TANGO6: variants seen among roughly 807,000 people sequenced by gnomAD.
TANGO6 encodes transport and Golgi organization protein 6 homolog.
A neutral mutation model predicts 114.2 loss-of-function variants in TANGO6; 90 were observed. The ratio of observed to expected loss-of-function variants is 0.79; its 90% CI spans 0.66 to 0.94. The LOEUF (loss-of-function observed/expected upper bound fraction) is 0.94, where lower values mean the gene tolerates loss of function less well. Ranked by LOEUF, TANGO6 falls within the 40% of genes least tolerant of loss-of-function variation. The pLI is 0.00. For synonymous variants in TANGO6, 477 were observed against 509.8 expected (o/e 0.94, Z 0.87); for missense variants, 1,274 against 1,315.3 (o/e 0.97, Z 0.49).
At chr16:69,049,370 C>T (rs1959910781) in intron 17 of TANGO6, among the ~76,000 whole-genome samples, 1 of 151,932 alleles carries the variant, frequency 6.6e-6, no homozygotes, top group South Asian at 2.1e-4. Flanking sequence ...TGCCTCCTTC[C>T]ATTCCTTTAG....
chr16:68,968,447 C>A (rs1204051714), intron 14 of TANGO6, among the ~76,000 whole-genome samples: 1 of 151,728 alleles, frequency 6.6e-6, no homozygotes, highest in Non-Finnish European at 1.5e-5. Flanking sequence ...TTACTGAAAC[C>A]TCCACCTCCC....
intron 10 of TANGO6, 44 bp downstream of exon 10, chr16:68,907,619 G>A: frequency 6.4e-7 from 1 of 1,552,394 alleles, no homozygotes; most frequent in Non-Finnish European, 8.7e-7. Flanking sequence ...TTCCAGGGGA[G>A]TTCCAGGAAA....
intron 17 of TANGO6, among the ~76,000 whole-genome samples, chr16:69,062,951 G>A (rs941431522): frequency 2.0e-5 from 3 of 151,846 alleles, no homozygotes; most frequent in African/African-American, 7.2e-5. Flanking sequence ...AACTTGGCTG[G>A]GCGCAGTGGC....
intron 14 of TANGO6, chr16:68,937,445 T>C (rs1244322039): frequency 6.6e-6 from 1 of 152,210 alleles, no homozygotes; most frequent in African/African-American, 2.4e-5. Flanking sequence ...AACATGCAAG[T>C]CAGTGGTTTC....
At chr16:69,073,011 G>A (rs1186250820) in intron 17 of TANGO6, among the ~76,000 whole-genome samples, 2 of 151,732 alleles carry the variant, frequency 1.3e-5, no homozygotes, top group Non-Finnish European at 2.9e-5. Context: ...GGAGGATGGG[G>A]CACAGGAAGC....
intron 17 of TANGO6, among the ~76,000 whole-genome samples, chr16:69,071,130 T>C (rs1960292961): frequency 6.6e-6 from 1 of 152,188 alleles, no homozygotes; most frequent in Non-Finnish European, 1.5e-5. Flanking sequence ...CTGGGATATC[T>C]GGACACTTCC....
chr16:69,080,684 A>G (rs909264455), intron 17 of TANGO6, among the ~76,000 whole-genome samples: 1 of 152,206 alleles, frequency 6.6e-6, no homozygotes, highest in Non-Finnish European at 1.5e-5. Flanking sequence ...ACAGAGCCTT[A>G]CCTTTTAATA....
chr16:68,872,151 G>A (rs1380379520), intron 4 of TANGO6, among the ~76,000 whole-genome samples: 1 of 151,570 alleles, frequency 6.6e-6, no homozygotes, highest in Admixed American at 6.6e-5. Context: ...AACCTGGGAG[G>A]TGGAGGTTTC....
chr16:68,988,692 C>CTTTT (rs397855895), intron 15 of TANGO6, among the ~76,000 whole-genome samples: 1,726 of 112,300 alleles, frequency 0.015, 102 homozygotes, highest in African/African-American at 0.055. Flanking sequence ...TTCTCTCTCT[C>CTTTT]TTTTTTTTTT....
chr16:68,916,090 G>C (rs1963000043), intron 11 of TANGO6, among the ~76,000 whole-genome samples: 1 of 152,138 alleles, frequency 6.6e-6, no homozygotes, highest in Non-Finnish European at 1.5e-5. Flanking sequence ...TTAAAGCTTA[G>C]TTGTTAGCCA....
rs1959753833 is a variant in TANGO6 at position 69,040,378 on chromosome 16, T to A, written c.3065T>A (p.Val1022Glu). The A allele has an allele frequency of 6.2e-7, 1 of 1,608,840 alleles. No homozygotes were observed. Among genetic ancestry groups the A allele is most frequent in the African/African-American group, 1.3e-5 (1 of 74,874 alleles). ...CAAGTACGCAGAGCTGCCATACATGTGGTTGTGCTGCTGCTTCGGGGACTC... is the reference window on the plus strand; with the variant it reads ...CAAGTACGCAGAGCTGCCATACATGAGGTTGTGCTGCTGCTTCGGGGACTC... Reference protein sequence around the residue: ...EVQVRRAAIHVVVLLLRGLSQ... With the variant: ...EVQVRRAAIHEVVLLLRGLSQ... The change falls in exon 17 of 18, where the codon GTG becomes GAG. Residue 1022 changes from valine (V) to glutamate (E), a missense_variant. Transcript: ENST00000261778.
At chr16:68,966,608 A>G (rs1375367555) in intron 14 of TANGO6, among the ~76,000 whole-genome samples, 2 of 152,072 alleles carry the variant, frequency 1.3e-5, no homozygotes, top group African/African-American at 4.8e-5. Context: ...CAACTTTAGA[A>G]GTTTTTAAAA....
At chr16:69,060,535 C>T (rs779410596) in intron 17 of TANGO6, among the ~76,000 whole-genome samples, 6 of 150,444 alleles carry the variant, frequency 4.0e-5, no homozygotes, top group Non-Finnish European at 7.4e-5. Flanking sequence ...TTGAAGGCTA[C>T]GGTGAATTAT....
At chr16:68,909,458 T>A (rs778610926) in intron 11 of TANGO6, 56 bp downstream of exon 11, 1 of 1,410,208 alleles carries the variant, frequency 7.1e-7, no homozygotes, top group South Asian at 1.8e-5. Flanking sequence ...AAAAATAAAG[T>A]TTAAAAATGT....
chr16:68,927,577 A>G lies in TANGO6; in HGVS notation c.2137A>G (p.Ser713Gly). The G allele has an allele frequency of 6.2e-7, 1 of 1,606,886 alleles. No individual in the cohort carries two copies. Among genetic ancestry groups the G allele is most frequent in the African/African-American group, 1.3e-5 (1 of 74,854 alleles). Reference protein sequence around the residue: ...MLGGAVQLKSSDFAVLKQLLP... With the variant: ...MLGGAVQLKSGDFAVLKQLLP... ...TTATTTCATTTTGTAGTTGAAGTCA[A>G]GTGATTTTGCTGTTCTGAAGCAGTT... Residue 713 changes from serine (S) to glycine (G), a missense_variant, in exon 13 of 18, where the codon AGT (serine) becomes GGT (glycine). Coordinates refer to ENST00000261778, the MANE Select transcript of TANGO6 (RefSeq NM_024562.2).
intron 1 of TANGO6, among the ~76,000 whole-genome samples, chr16:68,856,222 T>A (rs1354890750): frequency 6.6e-6 from 1 of 152,238 alleles, no homozygotes; most frequent in Non-Finnish European, 1.5e-5. Flanking sequence ...CTAAGTATGA[T>A]GGTAACTGTA....
intron 7 of TANGO6, among the ~76,000 whole-genome samples, chr16:68,888,884 C>T (rs540224449): frequency 6.6e-6 from 1 of 152,316 alleles, no homozygotes; most frequent in Admixed American, 6.5e-5. Flanking sequence ...GCAATCTCAG[C>T]TTATTGCAGC....
At chr16:69,074,834 GTGTGTA>G (rs1416295754) in intron 17 of TANGO6, among the ~76,000 whole-genome samples, 66 of 141,900 alleles carry the variant, frequency 4.7e-4, no homozygotes, top group African/African-American at 1.4e-3. Context: ...GTGTGTGTGT[GTGTGTA>G]TAATTATTAT....
intron 14 of TANGO6, chr16:68,934,034 T>A (rs958941872): frequency 2.0e-5 from 3 of 152,750 alleles, no homozygotes; most frequent in African/African-American, 7.3e-5. Flanking sequence ...AGCCTTGGAA[T>A]TCTGGAATTT....
Sources: gnomAD v4.1 joint callset for allele counts (sites outside exome capture counted in the v4.1 genomes callset) on GRCh38, gnomAD v4.1.1 for gene constraint, MANE v1.5 for transcripts, NCBI Gene and HGNC (gene_info 2026-07-23, HGNC 2026-07-21) for gene names.